ANGPT4: variants seen among roughly 807,000 people sequenced by gnomAD.
ANGPT4 encodes the protein angiopoietin-4.
In ANGPT4, 50 loss-of-function variants were observed where a neutral mutation model predicts 53.0. The observed-to-expected ratio is 0.94, with a 90% CI of 0.75 to 1.20. The LOEUF is 1.20. Ranked by LOEUF, ANGPT4 falls within the 50% of genes most tolerant of loss-of-function variation. ANGPT4 has a pLI of 0.00. For synonymous variants in ANGPT4, 251 were observed against 259.7 expected (o/e 0.97, Z 0.32); for missense variants, 648 against 637.1 (o/e 1.02, Z -0.18).
At chr20:877,567 G>T (rs190544158) in intron 7 of ANGPT4, among the ~76,000 whole-genome samples, 46 of 152,284 alleles carry the variant, frequency 3.0e-4, no homozygotes, top group African/African-American at 1.1e-3. Context: ...ATGGAATAAT[G>T]GTGCCTGGAA....
chr20:879,498 G>A (rs1182286365), intron 6 of ANGPT4, among the ~76,000 whole-genome samples: 1 of 151,994 alleles, frequency 6.6e-6, no homozygotes, highest in African/African-American at 2.4e-5. Context: ...AAATGTATAT[G>A]TATTTTTTTA....
rs1318831993 is a variant in ANGPT4 at position 872,832 on chromosome 20, G to A, written c.*128C>T. ...CCTTCTGGACTTCTGGGTCAAGGAG[G>A]GCTGGCTCAGGAAGCCCAGGGTGTC... On this transcript the variant is annotated 3_prime_UTR_variant, in exon 9 of 9. Transcript: ENST00000381922. 2 of 1,221,524 alleles carry A rather than the reference G, an allele frequency of 1.6e-6. No homozygotes were observed. The highest frequency in any genetic ancestry group is 2.3e-6 in the Non-Finnish European group (2 of 865,394). 75.7% of individuals were successfully genotyped at this position (1,221,524 alleles called of 1,614,324 possible).
intron 1 of ANGPT4, among the ~76,000 whole-genome samples, chr20:898,500 C>T (rs985225523): frequency 6.6e-6 from 1 of 152,234 alleles, no homozygotes; most frequent in Non-Finnish European, 1.5e-5. Context: ...AGATGCTTCA[C>T]AGCCCTAGAC....
intron 3 of ANGPT4, among the ~76,000 whole-genome samples, chr20:886,872 T>C (rs1031700714): frequency 2.0e-5 from 3 of 152,226 alleles, no homozygotes; most frequent in African/African-American, 7.2e-5. Flanking sequence ...ATGTATGTGT[T>C]TGCATATTCA....
rs1404933878 is a variant in ANGPT4, at chr20:908,395, C to T, written c.309+7511G>A. Among the ~76,000 whole-genome samples, 12 of 152,198 alleles carry T rather than the reference C, an allele frequency of 7.9e-5. 1 individual carries two copies. Among genetic ancestry groups the T allele is most frequent in the Non-Finnish European group, 2.9e-5 (2 of 68,036 alleles). On this transcript the variant is annotated intron_variant, in intron 1 of 8. Transcript: ENST00000381922. The surrounding 1 kb of genome is among the most constrained non-coding windows in gnomAD (Gnocchi z 4.9). ...CTTGCTGTCCCGTGTGCCTGGAATG[C>T]TTTTGCTTCCTTTCCCTGTCTCGCC...
Position 885,111 on chromosome 20 carries a change from G to T in ANGPT4, c.802C>A (p.Leu268Met). 1 of 1,613,626 alleles carries T rather than the reference G, an allele frequency of 6.2e-7. No individual in the cohort carries two copies. The highest frequency in any genetic ancestry group is 1.3e-5 in the African/African-American group (1 of 75,050). ...LRQLLVLLRHLVQERANASAP... is the reference protein window; with the variant it reads ...LRQLLVLLRHMVQERANASAP... ...GAGGCGTTAGCCCTTTCTTGCACCAGGTGCCGCAACAACACCAGCAGCTGG... is the reference window on the plus strand; with the variant it reads ...GAGGCGTTAGCCCTTTCTTGCACCATGTGCCGCAACAACACCAGCAGCTGG... The change falls in exon 4 of 9, where the codon CTG becomes ATG. Residue 268 changes from leucine (L) to methionine (M), a missense_variant. By Grantham distance (15) the Leu-to-Met change is conservative. Transcript: ENST00000381922.
intron 2 of ANGPT4, among the ~76,000 whole-genome samples, chr20:889,136 C>A (rs1280920489): frequency 6.6e-6 from 1 of 152,166 alleles, no homozygotes; most frequent in African/African-American, 2.4e-5. Context: ...TTCTCCATGG[C>A]CCTTCCTGGC....
At chr20:873,271 G>T (rs1172239483) in intron 8 of ANGPT4, 151 bp from the exon 9 acceptor site, 1 of 622,710 alleles carries the variant, frequency 1.6e-6, no homozygotes, top group Non-Finnish European at 2.7e-6. Context: ...CTGGGTGGGA[G>T]TGGGGGTGGG....
At chr20:875,010 G>A (rs1371398547) in intron 7 of ANGPT4, among the ~76,000 whole-genome samples, 5 of 151,700 alleles carry the variant, frequency 3.3e-5, no homozygotes, top group Non-Finnish European at 4.4e-5. Context: ...GTGAGCCACC[G>A]TGCCCGGCAA....
rs762421424 is a variant in ANGPT4, at chr20:908,273, T to G, written c.309+7633A>C. 1.2e-4 allele frequency among the ~76,000 whole-genome samples: 18 copies of G among 152,234 alleles called. No individual in the cohort carries two copies. Among genetic ancestry groups the G allele is most frequent in the Admixed American group, 7.2e-4 (11 of 15,302 alleles). ...CATCTGTCTGGCTCCTGGTGAGCAC[T>G]CCAGTCTCATCTTGGCCATGCTCTC... On this transcript the variant is annotated intron_variant, in intron 1 of 8. Transcript: ENST00000381922. This position sits in a 1 kb window ranked among gnomAD's most constrained non-coding sequence, Gnocchi z 4.9.
In ANGPT4 at chr20:871,757, C is replaced by A. The variant is rs1980950630; in HGVS notation, c.*1203G>T. 1 of 152,240 alleles carries A rather than the reference C, an allele frequency of 6.6e-6. No homozygotes were observed. Among genetic ancestry groups the A allele is most frequent in the East Asian group, 1.9e-4 (1 of 5,184 alleles). 9.4% of individuals were successfully genotyped at this position (152,240 alleles called of 1,614,324 possible). A position where few individuals can be genotyped will look rare whatever the true frequency, so the allele number is the denominator to read the frequency against. ...TTACAGGGAGTCCTAAGGGAAGCCACCCAGGTAGAGATCAGCTTCCTGGGA... is the reference window on the plus strand; with the variant it reads ...TTACAGGGAGTCCTAAGGGAAGCCAACCAGGTAGAGATCAGCTTCCTGGGA... On this transcript the variant is annotated 3_prime_UTR_variant, in exon 9 of 9. Coordinates refer to ENST00000381922, the MANE Select transcript of ANGPT4 (RefSeq NM_015985.4).
At chr20:883,143 A>G (rs1174764139) in intron 4 of ANGPT4, among the ~76,000 whole-genome samples, 2 of 152,252 alleles carry the variant, frequency 1.3e-5, no homozygotes, top group Admixed American at 6.5e-5. Flanking sequence ...GAAGTTAAAT[A>G]AATGACTTGT....
At chr20:877,888 G>A (rs757800408) in intron 7 of ANGPT4, among the ~76,000 whole-genome samples, 52 of 152,178 alleles carry the variant, frequency 3.4e-4, no homozygotes, top group Non-Finnish European at 3.2e-4. Context: ...AGGCTGACTT[G>A]GGGTGACTGA....
intron 3 of ANGPT4, among the ~76,000 whole-genome samples, chr20:886,630 G>A (rs571881138): frequency 1.3e-5 from 2 of 152,130 alleles, no homozygotes. Flanking sequence ...TCTTAAACAT[G>A]CTTAGAACAC....
chr20:871,061 C>G lies in ANGPT4; in HGVS notation c.*1899G>C, dbSNP rs531280552. On this transcript the variant is annotated 3_prime_UTR_variant, in exon 9 of 9. Transcript: ENST00000381922. ...GTTTGTCCGACTCCAAAGCCCTGCC[C>G]ACCACACCACACTGCACACAGTAGA... 6.6e-6 allele frequency: 1 copy of G among 152,408 alleles called. No homozygotes were observed. The highest frequency in any genetic ancestry group is 2.1e-4 in the South Asian group (1 of 4,836). The allele number at this position is 152,408 out of a possible 1,614,324, so 9.4% of individuals were successfully genotyped here.
chr20:890,832 C>T (rs909397563), intron 1 of ANGPT4, among the ~76,000 whole-genome samples: 7 of 151,978 alleles, frequency 4.6e-5, no homozygotes, highest in East Asian at 1.9e-4. Flanking sequence ...ATCCCTCTAA[C>T]GAAGCAAGCA....
At chr20:877,674 G>A (rs1041286345) in intron 7 of ANGPT4, among the ~76,000 whole-genome samples, 2 of 152,148 alleles carry the variant, frequency 1.3e-5, no homozygotes, top group African/African-American at 4.8e-5. Flanking sequence ...TTACAAGATC[G>A]TCATGTTTAA....
intron 8 of ANGPT4, 65 bp from the exon 9 acceptor site, chr20:873,185 C>T: frequency 2.6e-6 from 4 of 1,557,290 alleles, no homozygotes; most frequent in East Asian, 2.3e-5. Flanking sequence ...AAGAGGGCAG[C>T]CCCTGTGTCC....
At chr20:903,329 A>G (rs1397772085) in intron 1 of ANGPT4, among the ~76,000 whole-genome samples, 1 of 152,110 alleles carries the variant, frequency 6.6e-6, no homozygotes, top group Non-Finnish European at 1.5e-5. Context: ...TCTCTCTCAC[A>G]TCCTGCATCC....
Sources: gnomAD v4.1 joint callset for allele counts (sites outside exome capture counted in the v4.1 genomes callset) on GRCh38, gnomAD v4.1.1 for gene constraint, Gnocchi (gnomAD v3.1) non-coding constraint, MANE v1.5 for transcripts, NCBI Gene and HGNC (gene_info 2026-07-23, HGNC 2026-07-21) for gene names.